Variants in CELF2 observed in about 807,000 individuals in gnomAD.
CELF2 encodes the protein CUG triplet repeat RNA-binding protein 2.
Under a neutral mutation model 62.6 loss-of-function variants are expected in CELF2, and 8 were observed. The observed-to-expected ratio is 0.13, with a 90% CI of 0.07 to 0.23. The LOEUF is 0.23. Among genes scored for constraint, CELF2 ranks in the 10% least tolerant of loss-of-function variants. The pLI, the probability that CELF2 is intolerant of heterozygous loss-of-function variation, is 1.00. For synonymous variants in CELF2, 258 were observed against 250.0 expected (o/e 1.03, Z -0.30); for missense variants, 333 against 671.0 (o/e 0.50, Z 5.56).
At chr10:11,032,746 A>G (rs1324413121) in intron 1 of CELF2, among the ~76,000 whole-genome samples, 2 of 152,210 alleles carry the variant, frequency 1.3e-5, no homozygotes, top group East Asian at 1.9e-4. Context: ...ATAATTGACG[A>G]AGGTTGCTCA....
the CELF2 span, chr10:10,784,463 G>A: frequency 6.6e-6 from 1 of 152,504 alleles, no homozygotes; most frequent in South Asian, 2.1e-4. Flanking sequence ...AGGTTTTATT[G>A]AGTGGTGGAG....
At chr10:11,200,775 T>A (rs2059040127) in intron 2 of CELF2, among the ~76,000 whole-genome samples, 3 of 152,168 alleles carry the variant, frequency 2.0e-5, no homozygotes, top group African/African-American at 7.2e-5. Flanking sequence ...TTTTGAAACC[T>A]GCTAGCAAAA....
At chr10:10,890,267 G>A (rs150126396) in intron 1 of CELF2, among the ~76,000 whole-genome samples, 137 of 152,272 alleles carry the variant, frequency 9.0e-4, no homozygotes, top group Non-Finnish European at 1.6e-3. Context: ...TTTATGTCTA[G>A]GCATGGATCG....
the CELF2 span, among the ~76,000 whole-genome samples, chr10:10,788,291 A>G: frequency 1.3e-5 from 2 of 152,036 alleles, no homozygotes; most frequent in African/African-American, 4.8e-5. Context: ...TACCCCCTAA[A>G]AGGGTGACTA....
At chr10:10,865,172 C>T (rs1223243922) in intron 1 of CELF2, among the ~76,000 whole-genome samples, 1 of 152,132 alleles carries the variant, frequency 6.6e-6, no homozygotes, top group Non-Finnish European at 1.5e-5. Context: ...TTTTCTCCTG[C>T]TCTCGTAGAA....
chr10:10,823,531 T>A (rs1400730153), intron 1 of CELF2, among the ~76,000 whole-genome samples: 2 of 152,214 alleles, frequency 1.3e-5, no homozygotes, highest in Non-Finnish European at 2.9e-5. Flanking sequence ...AGGGCTTTTG[T>A]TATCTGAGCT....
chr10:10,828,624 A>G (rs535738284), intron 1 of CELF2, among the ~76,000 whole-genome samples: 5 of 152,356 alleles, frequency 3.3e-5, no homozygotes, highest in African/African-American at 9.6e-5. Flanking sequence ...TAAACTATGC[A>G]CTTCAAATGG....
At chr10:11,277,337 A>C (rs1436126747) in intron 8 of CELF2, among the ~76,000 whole-genome samples, 1 of 152,176 alleles carries the variant, frequency 6.6e-6, no homozygotes, top group African/African-American at 2.4e-5. Context: ...GTTCCTTCCT[A>C]GGAGAAACTT....
In CELF2 at chr10:11,247,292, G is replaced by A. The variant is rs763220151; in HGVS notation, c.355-1861G>A. The stretch of plus-strand genomic sequence containing the variant: ...TTGCCCACCTTCACCGCCCCTTCCC[G>A]TGGTCCTCCATGCTCACACTGGGAG... On this transcript the variant is annotated intron_variant, in intron 3 of 12. Transcript: ENST00000633077. This position sits in a 1 kb window ranked among gnomAD's most constrained non-coding sequence, Gnocchi z 5.4. Among the ~76,000 whole-genome samples, 11 of 152,106 alleles carry A rather than the reference G, an allele frequency of 7.2e-5. No homozygotes were observed. Among genetic ancestry groups the A allele is most frequent in the Admixed American group, 2.6e-4 (4 of 15,272 alleles).
chr10:11,017,100 T>G (rs1359773586), upstream of CELF2, among the ~76,000 whole-genome samples: 1 of 152,218 alleles, frequency 6.6e-6, no homozygotes, highest in African/African-American at 2.4e-5. This position sits in a 1 kb window ranked among gnomAD's most constrained non-coding sequence, Gnocchi z 5.5. Flanking sequence ...AAAATTAAAC[T>G]CGCCAGCTTC....
the CELF2 span, among the ~76,000 whole-genome samples, chr10:10,730,483 A>G: frequency 6.7e-6 from 1 of 148,886 alleles, no homozygotes; most frequent in Admixed American, 6.6e-5. Context: ...TCTCAAAAAT[A>G]AAAAATAAAA....
rs377316658 is a variant in CELF2 at position 11,246,626 on chromosome 10, ACTCCT to A, written c.355-2518_355-2514del. On this transcript the variant is annotated intron_variant, in intron 3 of 12. Transcript: ENST00000633077. This position sits in a 1 kb window ranked among gnomAD's most constrained non-coding sequence, Gnocchi z 4.6. ...GGCCTGATTCTCCCTCATTCTGGAAACTCCTCTCCTCTCATGGCTCCCATGGGACC... is the reference window on the plus strand; with the variant it reads ...GGCCTGATTCTCCCTCATTCTGGAAACTCCTCTCATGGCTCCCATGGGACC... Among the ~76,000 whole-genome samples the A allele has an allele frequency of 6.6e-6, 1 of 150,554 alleles. No individual in the cohort carries two copies. The highest frequency in any genetic ancestry group is 2.0e-4 in the East Asian group (1 of 5,110).
At chr10:11,070,150 G>T (rs2069415841) in intron 1 of CELF2, among the ~76,000 whole-genome samples, 1 of 152,028 alleles carries the variant, frequency 6.6e-6, no homozygotes, top group Non-Finnish European at 1.5e-5. Flanking sequence ...AGGTCCATTG[G>T]TGATGACCCT....
chr10:10,637,722 C>T, the CELF2 span, among the ~76,000 whole-genome samples: 2 of 152,146 alleles, frequency 1.3e-5, no homozygotes, highest in Non-Finnish European at 2.9e-5. Flanking sequence ...GACACGGAGT[C>T]GCAGATGATT....
intron 1 of CELF2, among the ~76,000 whole-genome samples, chr10:11,009,301 C>T (rs1162961928): frequency 6.6e-6 from 1 of 150,470 alleles, no homozygotes; most frequent in African/African-American, 2.5e-5. Context: ...TCACAGAGAT[C>T]GGACTAAGAT....
the CELF2 span, among the ~76,000 whole-genome samples, chr10:10,599,256 A>G: frequency 6.6e-6 from 1 of 152,196 alleles, no homozygotes; most frequent in African/African-American, 2.4e-5. Flanking sequence ...CACTTCTTAT[A>G]AACTGTGACC....
At position 11,157,256 on chromosome 10, in the gene CELF2, G is replaced by A. The variant is rs945916669; in HGVS notation, c.75-8230G>A. 3.3e-5 allele frequency among the ~76,000 whole-genome samples: 5 copies of A among 152,124 alleles called. No individual in the cohort carries two copies. The highest frequency in any genetic ancestry group is 4.1e-4 in the South Asian group (2 of 4,826). ...TAGAGGAGCTGTGCTCTGGGGCCGCGTTTCCCACCTTCCCAGCTCCCTTCC... is the reference window on the plus strand; with the variant it reads ...TAGAGGAGCTGTGCTCTGGGGCCGCATTTCCCACCTTCCCAGCTCCCTTCC... On this transcript the variant is annotated intron_variant, in intron 1 of 12. Coordinates refer to ENST00000633077, the MANE Select transcript of CELF2 (RefSeq NM_001326342.2). The surrounding 1 kb of genome is among the most constrained non-coding windows in gnomAD (Gnocchi z 4.9).
chr10:10,680,274 G>GTT, the CELF2 span, among the ~76,000 whole-genome samples: 1 of 152,138 alleles, frequency 6.6e-6, no homozygotes, highest in African/African-American at 2.4e-5. Flanking sequence ...TGCAAGTTTA[G>GTT]GGATCCCCAA....
chr10:10,559,223 C>T, the CELF2 span, among the ~76,000 whole-genome samples: 1 of 152,144 alleles, frequency 6.6e-6, no homozygotes, highest in Admixed American at 6.5e-5. Flanking sequence ...CAGTATTAAG[C>T]ATGTCTGACC....
Sources: allele counts gnomAD v4.1 joint callset (sites outside exome capture counted in the v4.1 genomes callset), GRCh38; gene constraint gnomAD v4.1.1; non-coding constraint Gnocchi (gnomAD v3.1); transcripts MANE v1.5; gene names NCBI Gene and HGNC (gene_info 2026-07-23, HGNC 2026-07-21).